Variants in PIEZO2 observed in about 807,000 individuals in gnomAD.
The protein encoded by PIEZO2 is piezo type mechanosensitive ion channel component 2.
PIEZO2 carries 172 observed loss-of-function variants against 337.3 expected under a neutral mutation model. That is an observed-to-expected ratio of 0.51 (90% confidence interval 0.45 to 0.58). PIEZO2 has a LOEUF of 0.58. Among genes scored for constraint, PIEZO2 ranks in the 20% least tolerant of loss-of-function variants. The pLI, the probability that PIEZO2 is intolerant of heterozygous loss-of-function variation, is 0.00. For missense variants in PIEZO2, 3,028 were observed against 3,391.3 expected, an observed-to-expected ratio of 0.89 and a Z score of 2.66; for synonymous variants, 1,251 against 1,228.5, an observed-to-expected ratio of 1.02 and a Z score of -0.38.
chr18:10,972,723 T>C (rs1408024209), intron 3 of PIEZO2, among the ~76,000 whole-genome samples: 1 of 152,198 alleles, frequency 6.6e-6, no homozygotes, highest in Non-Finnish European at 1.5e-5. Context: ...ATTTCATCCA[T>C]GTGACTGTGC....
intron 10 of PIEZO2, 83 bp from the exon 11 acceptor site, chr18:10,800,558 AC>A: frequency 1.4e-6 from 2 of 1,409,660 alleles, no homozygotes; most frequent in Admixed American, 3.0e-5. Context: ...CCCTTCCTCC[AC>A]CCTAACTGAA....
intron 4 of PIEZO2, among the ~76,000 whole-genome samples, chr18:10,873,368 CAT>C (rs1401735768): frequency 6.6e-6 from 1 of 152,178 alleles, no homozygotes. Flanking sequence ...CCAAAAGCCA[CAT>C]AGAGAACAGA....
rs986012558 is a variant in PIEZO2 at position 11,096,048 on chromosome 18, C to T, written c.65-29826G>A. On this transcript the variant is annotated intron_variant, in intron 1 of 55. Coordinates refer to ENST00000674853, the MANE Select transcript of PIEZO2 (RefSeq NM_001378183.1). This position sits in a 1 kb window ranked among gnomAD's most constrained non-coding sequence, Gnocchi z 4.6. ...AGGAGAGACTATGAGAGGGAGGCAG[C>T]TTTGCCTCCACTGCATGGAAAGGGC... Among the ~76,000 whole-genome samples, 1 of 152,204 alleles carries T rather than the reference C, an allele frequency of 6.6e-6. No homozygotes were observed. The highest frequency in any genetic ancestry group is 2.4e-5 in the African/African-American group (1 of 41,454).
At chr18:10,790,905 C>T (rs1206181994) in intron 14 of PIEZO2, among the ~76,000 whole-genome samples, 1 of 152,124 alleles carries the variant, frequency 6.6e-6, no homozygotes, top group African/African-American at 2.4e-5. Context: ...GGGTTTTCAC[C>T]GTGTTAGCCA....
chr18:10,792,803 T>C (rs752548563), intron 13 of PIEZO2, among the ~76,000 whole-genome samples: 3 of 152,242 alleles, frequency 2.0e-5, no homozygotes, highest in Non-Finnish European at 4.4e-5. Flanking sequence ...AGGACTGGAA[T>C]TGCTGGTCTT....
In PIEZO2 at chr18:11,129,443, G is replaced by T. The variant is rs2040278186; in HGVS notation, c.64+19082C>A. 6.6e-6 allele frequency among the ~76,000 whole-genome samples: 1 copy of T among 152,104 alleles called. No individual in the cohort carries two copies. The highest frequency in any genetic ancestry group is 1.5e-5 in the Non-Finnish European group (1 of 68,016). ...AATTAATCATGGTGTTCCTAGAAGT[G>T]AAATTGATAGGAAGCCTACTGCATT... is the stretch of plus-strand genomic sequence containing the variant. On this transcript the variant is annotated intron_variant, in intron 1 of 55. Coordinates refer to ENST00000674853, the MANE Select transcript of PIEZO2 (RefSeq NM_001378183.1). The surrounding 1 kb of genome is among the most constrained non-coding windows in gnomAD (Gnocchi z 4.6).
At chr18:10,931,983 G>A (rs935745164) in intron 3 of PIEZO2, among the ~76,000 whole-genome samples, 2 of 152,068 alleles carry the variant, frequency 1.3e-5, no homozygotes, top group African/African-American at 2.4e-5. Flanking sequence ...CCTTAGATAC[G>A]GATATATCTT....
intron 15 of PIEZO2, among the ~76,000 whole-genome samples, chr18:10,788,633 A>G (rs1282156145): frequency 1.3e-5 from 2 of 152,124 alleles, no homozygotes; most frequent in Non-Finnish European, 2.9e-5. Context: ...GCTGGAGTGC[A>G]GTGGTACAAG....
rs982173040 is a variant in PIEZO2, at chr18:10,672,932, G to A, written c.8162-59C>T. 3 of 1,424,716 alleles carry A rather than the reference G, an allele frequency of 2.1e-6. No individual in the cohort carries two copies. The highest frequency in any genetic ancestry group is 2.6e-5 in the South Asian group (2 of 77,632). The allele number at this position is 1,424,716 out of a possible 1,614,324, so 88.3% of individuals were successfully genotyped here. A position where few individuals can be genotyped will look rare whatever the true frequency, so the allele number is the denominator to read the frequency against. On this transcript the variant is annotated intron_variant, in intron 54 of 55. Coordinates refer to ENST00000674853, the MANE Select transcript of PIEZO2 (RefSeq NM_001378183.1). This position sits in a 1 kb window ranked among gnomAD's most constrained non-coding sequence, Gnocchi z 4.7. Reference sequence around the variant, plus strand: ...TGAGAATTTTAGGATTTCATGCACAGCAACAGTTTTCAGATGGCAAAATCT... The same window carrying A: ...TGAGAATTTTAGGATTTCATGCACAACAACAGTTTTCAGATGGCAAAATCT...
rs564963491 is a variant in PIEZO2 at position 11,096,069 on chromosome 18, A to G, written c.65-29847T>C. Among the ~76,000 whole-genome samples, 1 of 152,318 alleles carries G rather than the reference A, an allele frequency of 6.6e-6. No homozygotes were observed. The highest frequency in any genetic ancestry group is 1.5e-5 in the Non-Finnish European group (1 of 68,016). On this transcript the variant is annotated intron_variant, in intron 1 of 55. Coordinates refer to ENST00000674853, the MANE Select transcript of PIEZO2 (RefSeq NM_001378183.1). This position sits in a 1 kb window ranked among gnomAD's most constrained non-coding sequence, Gnocchi z 4.6. ...GCAGCTTTGCCTCCACTGCATGGAA[A>G]GGGCTTGGAACCAGCGGAGCTGTCC...
At position 10,795,897 on chromosome 18, in the gene PIEZO2, TG is replaced by T. The variant is rs1568067330; in HGVS notation, c.1528-896del. On this transcript the variant is annotated intron_variant, in intron 12 of 55. Transcript: ENST00000674853. This position sits in a 1 kb window ranked among gnomAD's most constrained non-coding sequence, Gnocchi z 4.4. ...ATAAATCAAATTTCCTAAGAAAATT[TG>T]TTTTTGGGAAAAGGAGAGATTATAG... Among the ~76,000 whole-genome samples, 1 of 152,148 alleles carries T rather than the reference TG, an allele frequency of 6.6e-6. No individual in the cohort carries two copies. Among genetic ancestry groups the T allele is most frequent in the African/African-American group, 2.4e-5 (1 of 41,426 alleles).
At position 11,145,572 on chromosome 18, in the gene PIEZO2, C is replaced by G. The variant is rs575475742; in HGVS notation, c.64+2953G>C. Among the ~76,000 whole-genome samples the G allele has an allele frequency of 3.2e-4, 49 of 152,214 alleles. No homozygotes were observed. The South Asian group carries it at 6.8e-3, about 21-fold the overall frequency. On this transcript the variant is annotated intron_variant, in intron 1 of 55. Coordinates refer to ENST00000674853, the MANE Select transcript of PIEZO2 (RefSeq NM_001378183.1). ...AAAATAGATGGCTAAAATGTAAAAT[C>G]GATTCTAATGGCAAGCAGACCTTTG...
intron 36 of PIEZO2, among the ~76,000 whole-genome samples, chr18:10,720,688 T>C (rs930526739): frequency 2.0e-5 from 3 of 151,760 alleles, no homozygotes; most frequent in African/African-American, 7.3e-5. Context: ...CAGGTGATCC[T>C]TCTACCACAG....
chr18:10,723,769 A>G (rs2036417919), intron 36 of PIEZO2, among the ~76,000 whole-genome samples: 1 of 152,110 alleles, frequency 6.6e-6, no homozygotes, highest in Admixed American at 6.5e-5. Context: ...CACTCGAAAG[A>G]TCCCTCAGAT....
At chr18:11,093,561 C>G (rs1018689859) in intron 1 of PIEZO2, among the ~76,000 whole-genome samples, 1 of 146,274 alleles carries the variant, frequency 6.8e-6, no homozygotes, top group African/African-American at 2.5e-5. Context: ...GACATCCAGT[C>G]CATTCACTCA....
At chr18:10,938,474 A>G (rs917137298) in intron 3 of PIEZO2, among the ~76,000 whole-genome samples, 1 of 152,220 alleles carries the variant, frequency 6.6e-6, no homozygotes, top group Non-Finnish European at 1.5e-5. Flanking sequence ...AGGCTCATAA[A>G]TCAGTCTCCT....
chr18:11,024,214 A>G (rs1340057018), intron 2 of PIEZO2, among the ~76,000 whole-genome samples: 1 of 152,142 alleles, frequency 6.6e-6, no homozygotes, highest in African/African-American at 2.4e-5. Context: ...AGTGCAAAGT[A>G]CTGTTTGATT....
intron 41 of PIEZO2, among the ~76,000 whole-genome samples, chr18:10,704,890 C>T (rs2035507923): frequency 6.6e-6 from 1 of 152,214 alleles, no homozygotes; most frequent in East Asian, 1.9e-4. Context: ...ACAGTTTCGC[C>T]ATGTTGGTCA....
intron 7 of PIEZO2, among the ~76,000 whole-genome samples, chr18:10,851,574 T>A (rs929161958): frequency 1.3e-5 from 2 of 152,230 alleles, no homozygotes; most frequent in African/African-American, 2.4e-5. Flanking sequence ...TACCATAAGA[T>A]GATAAATTAT....
Sources: allele counts gnomAD v4.1 joint callset (sites outside exome capture counted in the v4.1 genomes callset), GRCh38; gene constraint gnomAD v4.1.1; non-coding constraint Gnocchi (gnomAD v3.1); transcripts MANE v1.5; gene names NCBI Gene and HGNC (gene_info 2026-07-23, HGNC 2026-07-21).